EGFLAM: variants seen among roughly 807,000 people sequenced by gnomAD.
EGFLAM encodes the protein pikachurin.
EGFLAM carries 79 observed loss-of-function variants against 113.1 expected under a neutral mutation model. The ratio of observed to expected loss-of-function variants is 0.70; its 90% CI spans 0.58 to 0.84. The LOEUF (loss-of-function observed/expected upper bound fraction) is 0.84. Ranked by LOEUF, EGFLAM falls within the 40% of genes least tolerant of loss-of-function variation. The pLI, the probability that EGFLAM is intolerant of heterozygous loss-of-function variation, is 0.00. For synonymous variants in EGFLAM, 504 were observed against 487.6 expected, an observed-to-expected ratio of 1.03 and a Z score of -0.44; for missense variants, 1,265 against 1,291.6, an observed-to-expected ratio of 0.98 and a Z score of 0.32.
intron 19 of EGFLAM, among the ~76,000 whole-genome samples, chr5:38,456,608 G>C (rs1386430711): frequency 2.0e-5 from 3 of 152,108 alleles, no homozygotes; most frequent in Admixed American, 1.3e-4. Flanking sequence ...TCCTATTCTT[G>C]GTTAAATGTC....
chr5:38,393,352 T>C (rs72496553), intron 6 of EGFLAM, among the ~76,000 whole-genome samples: 30,804 of 151,898 alleles, frequency 0.2, 3,302 homozygotes, highest in Non-Finnish European at 0.2. Context: ...TCTATTACCC[T>C]CCTCTCAAAC....
At chr5:38,321,411 C>T (rs1469421) in intron 1 of EGFLAM, among the ~76,000 whole-genome samples, 15,250 of 152,174 alleles carry the variant, frequency 0.1, 921 homozygotes, top group Admixed American at 0.16. Context: ...TTGCCCGGTT[C>T]CTAAAAGGCC....
At position 38,265,746 on chromosome 5, in the gene EGFLAM, C is replaced by A. The variant is rs113580061; in HGVS notation, c.97+6895C>A. On this transcript the variant is annotated intron_variant, in intron 1 of 21. Coordinates refer to ENST00000322350, the MANE Select transcript of EGFLAM (RefSeq NM_152403.4). ...AAATAAAATTTCTGCCAGCAGAGGG[C>A]GCACATTCCAGAGCTGGCTCTGCGC... Among the ~76,000 whole-genome samples the A allele has an allele frequency of 3.3e-3, 506 of 152,322 alleles. 6 individuals carry two copies. The highest frequency in any genetic ancestry group is 0.011 in the African/African-American group (476 of 41,578).
chr5:38,323,487 A>G (rs1194953802), intron 1 of EGFLAM, among the ~76,000 whole-genome samples: 1 of 152,244 alleles, frequency 6.6e-6, no homozygotes, highest in Non-Finnish European at 1.5e-5. Flanking sequence ...CATATTGTAT[A>G]GATGCATTAT....
At chr5:38,460,915 C>T (rs1213561082) in intron 20 of EGFLAM, 1 of 152,220 alleles carries the variant, frequency 6.6e-6, no homozygotes, top group Admixed American at 6.5e-5. Flanking sequence ...GCATTAATCC[C>T]AGCAGAAAAG....
At chr5:38,417,389 GT>G (rs1245876391) in intron 11 of EGFLAM, among the ~76,000 whole-genome samples, 3 of 150,134 alleles carry the variant, frequency 2.0e-5, no homozygotes, top group African/African-American at 4.9e-5. Flanking sequence ...AAGGCCAAGG[GT>G]GACTTAATTT....
chr5:38,396,584 T>C (rs1740968183), intron 6 of EGFLAM, among the ~76,000 whole-genome samples: 1 of 152,254 alleles, frequency 6.6e-6, no homozygotes, highest in South Asian at 2.1e-4. Flanking sequence ...TACATAGCAC[T>C]GAATTTTAAT....
At chr5:38,395,521 T>C (rs183400245) in intron 6 of EGFLAM, among the ~76,000 whole-genome samples, 9 of 152,114 alleles carry the variant, frequency 5.9e-5, no homozygotes, top group Admixed American at 5.9e-4. Flanking sequence ...CTTTAAAGAG[T>C]GAGAAGAGAG....
chr5:38,293,223 G>A lies in EGFLAM; in HGVS notation c.97+34372G>A, dbSNP rs537284983. 9.8e-5 allele frequency among the ~76,000 whole-genome samples: 15 copies of A among 152,290 alleles called. 1 individual carries two copies. The highest frequency in any genetic ancestry group is 3.1e-4 in the African/African-American group (13 of 41,564). The stretch of plus-strand genomic sequence containing the variant: ...GTTGTTTTTGTATGAAAGAACATAG[G>A]ATTTGAATCAGAAAACATGGGCTTG... On this transcript the variant is annotated intron_variant, in intron 1 of 21. Transcript: ENST00000322350.
chr5:38,350,656 G>T, intron 4 of EGFLAM, 38 bp downstream of exon 4: 1 of 1,569,562 alleles, frequency 6.4e-7, no homozygotes, highest in Non-Finnish European at 8.8e-7. Context: ...GTGGCAGGCT[G>T]CTATCCATGC....
intron 17 of EGFLAM, among the ~76,000 whole-genome samples, chr5:38,447,907 C>A (rs1445723794): frequency 2.0e-5 from 3 of 152,126 alleles, no homozygotes; most frequent in African/African-American, 7.2e-5. Context: ...TCCTAGTGGG[C>A]CTTATTTAGG....
At chr5:38,269,022 A>C (rs1373901951) in intron 1 of EGFLAM, among the ~76,000 whole-genome samples, 2 of 152,072 alleles carry the variant, frequency 1.3e-5, no homozygotes, top group East Asian at 3.9e-4. Flanking sequence ...ACTAAAATAC[A>C]AAAAATTAGC....
At chr5:38,409,171 A>G (rs943565852) in intron 10 of EGFLAM, 67 bp downstream of exon 10, 5 of 1,253,140 alleles carry the variant, frequency 4.0e-6, no homozygotes, top group Middle Eastern at 1.9e-4. Context: ...TTGCCTTTTT[A>G]TAGTATGAAA....
chr5:38,326,753 A>G (rs1300062859), intron 1 of EGFLAM, among the ~76,000 whole-genome samples: 1 of 151,330 alleles, frequency 6.6e-6, no homozygotes, highest in Non-Finnish European at 1.5e-5. Context: ...TGGCCTCCCA[A>G]AGTGCTGGGA....
chr5:38,393,845 G>A (rs866412649), intron 6 of EGFLAM, among the ~76,000 whole-genome samples: 3 of 152,354 alleles, frequency 2.0e-5, no homozygotes, highest in South Asian at 2.1e-4. Flanking sequence ...AGAGGGTCAG[G>A]GTGGCGGCCC....
At chr5:38,462,422 CCCAG>C (rs1193516619) in intron 20 of EGFLAM, among the ~76,000 whole-genome samples, 1 of 152,206 alleles carries the variant, frequency 6.6e-6, no homozygotes, top group Non-Finnish European at 1.5e-5. Flanking sequence ...CTTCACCTTT[CCCAG>C]CCCCAGTGTT....
chr5:38,406,345 TGCCCA>T, intron 7 of EGFLAM, 104 bp downstream of exon 7: 2 of 976,084 alleles, frequency 2.0e-6, no homozygotes, highest in Non-Finnish European at 3.1e-6. Flanking sequence ...AACTTAAATG[TGCCCA>T]TTTGCTTTTA....
chr5:38,271,632 T>C (rs1421580193), intron 1 of EGFLAM, among the ~76,000 whole-genome samples: 2 of 152,230 alleles, frequency 1.3e-5, no homozygotes, highest in East Asian at 3.9e-4. Flanking sequence ...CCGTTATCTC[T>C]ACCCAAGGAA....
intron 5 of EGFLAM, among the ~76,000 whole-genome samples, chr5:38,358,316 G>A (rs560886277): frequency 6.0e-4 from 91 of 151,048 alleles, no homozygotes; most frequent in South Asian, 1.5e-3. Context: ...GCGAGGTGGC[G>A]GGCACCTGTA....
Sources: allele counts gnomAD v4.1 joint callset (sites outside exome capture counted in the v4.1 genomes callset), GRCh38; gene constraint gnomAD v4.1.1; transcripts MANE v1.5; gene names NCBI Gene and HGNC (gene_info 2026-07-23, HGNC 2026-07-21).